The following HIVEP1 variants were observed in gnomAD, a reference collection of about 807,000 sequenced individuals.
The protein encoded by HIVEP1 is zinc finger protein 40.
Under a neutral mutation model 180.0 loss-of-function variants are expected in HIVEP1, and 36 were observed. The ratio of observed to expected loss-of-function variants is 0.20; its 90% CI spans 0.15 to 0.26. The LOEUF is 0.26. Among genes scored for constraint, HIVEP1 ranks in the 10% least tolerant of loss-of-function variants. The pLI is 1.00. For synonymous variants in HIVEP1, 1,239 were observed against 1,239.0 expected, an observed-to-expected ratio of 1.00 and a Z score of 0.00; for missense variants, 3,143 against 3,268.7, an observed-to-expected ratio of 0.96 and a Z score of 0.94.
chr6:12,014,182 A>C lies in HIVEP1; in HGVS notation c.-103-1344A>C, dbSNP rs139773151. Among the ~76,000 whole-genome samples, 792 of 152,366 alleles carry C rather than the reference A, an allele frequency of 5.2e-3. 2 individuals carry two copies. The highest frequency in any genetic ancestry group is 9.6e-3 in the Non-Finnish European group (656 of 68,034). On this transcript the variant is annotated intron_variant, in intron 1 of 8. Coordinates refer to ENST00000379388, the MANE Select transcript of HIVEP1 (RefSeq NM_002114.4). ...GGTTAAGTAACCTGAACAAGGCCAC[A>C]CAGTAAGGGGTAAAGCCTGGCTTTG... is the stretch of plus-strand genomic sequence containing the variant.
In HIVEP1 at chr6:12,124,808, G is replaced by C. The variant is rs781497995; in HGVS notation, c.5013G>C (p.Gln1671His). The part of the protein sequence containing the change: ...TQDLPNQPIC[Q>H]TNHSVVPISE... Reference sequence around the variant, plus strand: ...ATCTGCCCAATCAGCCAATTTGCCAGACTAATCATAGTGTAGTGCCAATCA... The same window carrying C: ...ATCTGCCCAATCAGCCAATTTGCCACACTAATCATAGTGTAGTGCCAATCA... The change falls in exon 4 of 9, where the codon CAG (glutamine) becomes CAC (histidine). Residue 1671 changes from glutamine (Q) to histidine (H), a missense_variant. By Grantham distance (24) the Gln-to-His change is conservative. This residue lies in a region of HIVEP1 where 1,357 missense variants were observed against 1,260.5 expected (regional missense o/e 1.08). Transcript: ENST00000379388. 7 of 1,614,030 alleles carry C rather than the reference G, an allele frequency of 4.3e-6. No homozygotes were observed. In the Admixed American group the frequency reaches 5.0e-5, roughly 12 times the overall value.
Position 12,120,719 on chromosome 6 carries a change from A to G in HIVEP1, c.924A>G (p.Thr308=). 1.9e-6 allele frequency: 3 copies of G among 1,614,244 alleles called. No homozygotes were observed. The highest frequency in any genetic ancestry group is 1.7e-6 in the Non-Finnish European group (2 of 1,180,034). Residue 308 remains threonine (T), a synonymous_variant, in exon 4 of 9, where the codon ACA becomes ACG. Transcript: ENST00000379388. ...AGCTTCCGGGGTGTTCAGGTTTCAC[A>G]GGATCACTGACAAATCTGCAAAATC... is the stretch of plus-strand genomic sequence containing the variant. ...NQQLPGCSGF[T]GSLTNLQNQE...
intron 3 of HIVEP1, among the ~76,000 whole-genome samples, chr6:12,115,298 C>G (rs1038424340): frequency 2.0e-5 from 3 of 149,626 alleles, no homozygotes; most frequent in African/African-American, 7.4e-5. Flanking sequence ...AATAAAGTGT[C>G]AGTGACTTCA....
upstream of HIVEP1, among the ~76,000 whole-genome samples, chr6:12,009,406 T>C (rs147016340): frequency 1.6e-3 from 242 of 152,264 alleles, 3 homozygotes; most frequent in African/African-American, 5.1e-3. Context: ...CAAGGGGGGC[T>C]CCAGAAGCGT....
At chr6:12,173,380 A>G in the HIVEP1 span, among the ~76,000 whole-genome samples, 1 of 152,168 alleles carries the variant, frequency 6.6e-6, no homozygotes, top group Non-Finnish European at 1.5e-5. Context: ...TAGGAAGGGG[A>G]CAGCAAATTG....
intron 2 of HIVEP1, among the ~76,000 whole-genome samples, chr6:12,061,336 G>A (rs575289950): frequency 2.8e-4 from 42 of 152,298 alleles, no homozygotes; most frequent in African/African-American, 9.4e-4. Flanking sequence ...TTGCATATAG[G>A]TAAATGACAT....
chr6:12,097,202 T>TA (rs1561935749), intron 3 of HIVEP1, among the ~76,000 whole-genome samples: 1 of 152,030 alleles, frequency 6.6e-6, no homozygotes, highest in Non-Finnish European at 1.5e-5. Context: ...AGGTTTATTT[T>TA]AAAAAACAGT....
At chr6:12,143,098 A>T (rs967342199) in intron 7 of HIVEP1, among the ~76,000 whole-genome samples, 1 of 152,176 alleles carries the variant, frequency 6.6e-6, no homozygotes, top group Non-Finnish European at 1.5e-5. Flanking sequence ...AGAATTTTAG[A>T]CCAATATCCC....
At chr6:12,160,994 C>G (rs1002422257) in intron 7 of HIVEP1, among the ~76,000 whole-genome samples, 4 of 152,162 alleles carry the variant, frequency 2.6e-5, no homozygotes, top group African/African-American at 9.7e-5. Context: ...CAACAGCCAT[C>G]AGTTTTTTGT....
chr6:12,024,342 A>G (rs981944651), intron 2 of HIVEP1, among the ~76,000 whole-genome samples: 2 of 151,886 alleles, frequency 1.3e-5, no homozygotes, highest in African/African-American at 4.8e-5. Context: ...AAAATATTCT[A>G]AGGCTGTGCT....
At chr6:12,020,214 G>A (rs751397686) in intron 2 of HIVEP1, 2 of 432,956 alleles carry the variant, frequency 4.6e-6, no homozygotes, top group Non-Finnish European at 9.7e-6. Context: ...AAACCAGATA[G>A]AATCAGTTCT....
At chr6:12,146,959 T>A (rs1759410257) in intron 7 of HIVEP1, among the ~76,000 whole-genome samples, 1 of 151,770 alleles carries the variant, frequency 6.6e-6, no homozygotes, top group Non-Finnish European at 1.5e-5. Context: ...GGGAAGGAAT[T>A]TATTTATCCC....
chr6:12,127,062 G>A (rs966265571), intron 4 of HIVEP1, among the ~76,000 whole-genome samples: 3 of 152,032 alleles, frequency 2.0e-5, no homozygotes, highest in Non-Finnish European at 2.9e-5. Context: ...GCCATGTCTG[G>A]TTTGGCCAAG....
chr6:12,016,857 G>A (rs1434924311), intron 2 of HIVEP1, among the ~76,000 whole-genome samples: 1 of 152,156 alleles, frequency 6.6e-6, no homozygotes, highest in Non-Finnish European at 1.5e-5. Context: ...GTTACTGTAG[G>A]AAAAGCCTCC....
the HIVEP1 span, among the ~76,000 whole-genome samples, chr6:12,180,072 A>C: frequency 6.6e-6 from 1 of 152,138 alleles, no homozygotes; most frequent in East Asian, 1.9e-4. Context: ...AAAATGTCTG[A>C]TCATTTACTG....
At chr6:12,166,944 G>A (rs74729494), downstream of HIVEP1, among the ~76,000 whole-genome samples, 1,675 of 152,224 alleles carry the variant, frequency 0.011, 18 homozygotes, top group Non-Finnish European at 0.016. Flanking sequence ...ACCACAGGTC[G>A]TTTTTCTAGT....
chr6:12,050,595 AAAAT>A (rs1236919925), intron 2 of HIVEP1, among the ~76,000 whole-genome samples: 1 of 150,176 alleles, frequency 6.7e-6, no homozygotes, highest in East Asian at 1.9e-4. Context: ...CAAAAAAAAA[AAAAT>A]AAAAAAATTA....
chr6:12,135,950 T>C, intron 7 of HIVEP1, 58 bp downstream of exon 7: 3 of 1,076,334 alleles, frequency 2.8e-6, no homozygotes, highest in Non-Finnish European at 4.2e-6. Context: ...ATTTTTTTGC[T>C]TCCATACCCT....
the HIVEP1 span, among the ~76,000 whole-genome samples, chr6:12,181,253 G>A: frequency 1.3e-5 from 2 of 151,860 alleles, no homozygotes; most frequent in South Asian, 2.1e-4. Flanking sequence ...CCAGCTACTC[G>A]GGAGGCTGAG....
Sources: gnomAD v4.1 joint callset for allele counts (sites outside exome capture counted in the v4.1 genomes callset) on GRCh38, gnomAD v4.1.1 for gene constraint, gnomAD v4.1.1 regional missense constraint, MANE v1.5 for transcripts, NCBI Gene and HGNC (gene_info 2026-07-23, HGNC 2026-07-21) for gene names.